The following MACROD2 variants were observed in gnomAD, a reference collection of about 807,000 sequenced individuals.
MACROD2 encodes the protein ADP-ribose glycohydrolase MACROD2.
Under a neutral mutation model 70.4 loss-of-function variants are expected in MACROD2, and 36 were observed. The observed-to-expected ratio is 0.51, with a 90% confidence interval of 0.39 to 0.68. MACROD2 has a LOEUF of 0.68. MACROD2 is among the 30% of genes least tolerant of loss of function. The probability of loss-of-function intolerance (pLI) is 0.00; values close to 1 mark genes in which losing one functional copy is unlikely to be tolerated. For missense variants in MACROD2, 496 were observed against 538.4 expected, an observed-to-expected ratio of 0.92 and a Z score of 0.78; for synonymous variants, 172 against 178.8, an observed-to-expected ratio of 0.96 and a Z score of 0.30.
intron 5 of MACROD2, among the ~76,000 whole-genome samples, chr20:14,958,608 G>T (rs2074557514): frequency 6.6e-6 from 1 of 152,128 alleles, no homozygotes; most frequent in South Asian, 2.1e-4. Context: ...GATTAGCCCG[G>T]TTCTACTCTT....
At chr20:14,711,833 T>A (rs2071342552) in intron 5 of MACROD2, among the ~76,000 whole-genome samples, 1 of 152,220 alleles carries the variant, frequency 6.6e-6, no homozygotes, top group South Asian at 2.1e-4. Context: ...TTACAGTTTA[T>A]CTCTGTAAGA....
intron 3 of MACROD2, among the ~76,000 whole-genome samples, chr20:14,230,843 A>G (rs1293034145): frequency 6.6e-6 from 1 of 151,274 alleles, no homozygotes; most frequent in Non-Finnish European, 1.5e-5. Flanking sequence ...TTCTTACAAG[A>G]AGGCTTGAAA....
At chr20:15,455,081 A>G (rs1482673625) in intron 7 of MACROD2, among the ~76,000 whole-genome samples, 1 of 152,128 alleles carries the variant, frequency 6.6e-6, no homozygotes, top group Admixed American at 6.6e-5. Context: ...AGGCATCCCA[A>G]CTTCAGGTTT....
At chr20:14,173,300 C>CTT (rs1189228278) in intron 3 of MACROD2, among the ~76,000 whole-genome samples, 2 of 151,986 alleles carry the variant, frequency 1.3e-5, no homozygotes, top group Admixed American at 1.3e-4. Context: ...CATTCAACTT[C>CTT]TTAAAGTCTT....
chr20:14,820,873 T>C (rs996598389), intron 5 of MACROD2, among the ~76,000 whole-genome samples: 2 of 152,090 alleles, frequency 1.3e-5, no homozygotes, highest in South Asian at 4.1e-4. Context: ...AGTGTTCACA[T>C]GATGCTTGGG....
At chr20:14,674,507 A>G (rs2070834864) in intron 4 of MACROD2, among the ~76,000 whole-genome samples, 1 of 152,170 alleles carries the variant, frequency 6.6e-6, no homozygotes, top group Non-Finnish European at 1.5e-5. Flanking sequence ...TGGAGGTCCT[A>G]TGAGGGATCC....
intron 10 of MACROD2, among the ~76,000 whole-genome samples, chr20:15,889,155 T>C (rs1457704458): frequency 2.0e-5 from 3 of 152,110 alleles, no homozygotes; most frequent in Non-Finnish European, 4.4e-5. Flanking sequence ...AGTTTGCAGA[T>C]TTCTATGGTA....
chr20:15,927,414 C>G (rs982681446), intron 10 of MACROD2, among the ~76,000 whole-genome samples: 3 of 152,134 alleles, frequency 2.0e-5, no homozygotes, highest in Non-Finnish European at 4.4e-5. Context: ...AAGAGAGACT[C>G]CAGGATTTGG....
chr20:14,075,984 ATAT>A (rs1251968212), intron 2 of MACROD2, among the ~76,000 whole-genome samples: 1 of 152,080 alleles, frequency 6.6e-6, no homozygotes, highest in African/African-American at 2.4e-5. Flanking sequence ...TTCTCTATAA[ATAT>A]TATTAAAAAA....
At chr20:15,677,459 T>A (rs2050075914) in intron 8 of MACROD2, among the ~76,000 whole-genome samples, 1 of 152,116 alleles carries the variant, frequency 6.6e-6, no homozygotes, top group African/African-American at 2.4e-5. Context: ...AGTCTCCCCA[T>A]GAAGGCAGGT....
chr20:14,348,275 A>AT (rs1323818556), intron 3 of MACROD2, among the ~76,000 whole-genome samples: 86 of 132,254 alleles, frequency 6.5e-4, no homozygotes, highest in Non-Finnish European at 1.1e-3. Flanking sequence ...TCTCAAAAAA[A>AT]AAAAAATAAA....
intron 5 of MACROD2, among the ~76,000 whole-genome samples, chr20:14,776,573 A>C (rs2123779004): frequency 6.6e-6 from 1 of 152,194 alleles, no homozygotes; most frequent in African/African-American, 2.4e-5. Flanking sequence ...TTGTCGCTCA[A>C]GTCTGTGATC....
At chr20:14,659,568 A>G (rs1431873090) in intron 4 of MACROD2, among the ~76,000 whole-genome samples, 1 of 152,126 alleles carries the variant, frequency 6.6e-6, no homozygotes, top group Admixed American at 6.5e-5. Flanking sequence ...CCTTAATTGT[A>G]TTTCAAAAAT....
intron 3 of MACROD2, among the ~76,000 whole-genome samples, chr20:14,471,859 G>GGACA (rs895569649): frequency 3.0e-4 from 46 of 151,600 alleles, no homozygotes; most frequent in African/African-American, 1.1e-3. Flanking sequence ...TATACAAATG[G>GGACA]GACAGCAAGG....
At chr20:15,083,784 G>A (rs1031093422) in intron 5 of MACROD2, among the ~76,000 whole-genome samples, 1 of 152,044 alleles carries the variant, frequency 6.6e-6, no homozygotes, top group Non-Finnish European at 1.5e-5. Flanking sequence ...TAGAGGAGAG[G>A]CATCACTGTC....
intron 5 of MACROD2, among the ~76,000 whole-genome samples, chr20:15,226,122 C>CA (rs5840662): frequency 0.28 from 42,702 of 150,724 alleles, 6,225 homozygotes; most frequent in Non-Finnish European, 0.32. Context: ...TTGAGAGCTG[C>CA]AAAAAAAAAT....
At chr20:15,601,461 C>CA (rs112077865) in intron 8 of MACROD2, among the ~76,000 whole-genome samples, 7,592 of 149,020 alleles carry the variant, frequency 0.051, 437 homozygotes, top group African/African-American at 0.14. Context: ...CACCTTCATG[C>CA]AAAAAAAAAG....
chr20:15,300,727 T>G (rs966413537), intron 6 of MACROD2, among the ~76,000 whole-genome samples: 1 of 152,168 alleles, frequency 6.6e-6, no homozygotes, highest in Non-Finnish European at 1.5e-5. Flanking sequence ...GTGAAGCAAC[T>G]GGGTTGGGTG....
At chr20:14,465,980 T>G (rs1489874345) in intron 3 of MACROD2, among the ~76,000 whole-genome samples, 2 of 152,112 alleles carry the variant, frequency 1.3e-5, no homozygotes, top group African/African-American at 4.8e-5. Flanking sequence ...TTTCCTTCAT[T>G]TCAACTTTGG....
Sources: gnomAD v4.1 joint callset for allele counts (sites outside exome capture counted in the v4.1 genomes callset) on GRCh38, gnomAD v4.1.1 for gene constraint, MANE v1.5 for transcripts, NCBI Gene and HGNC (gene_info 2026-07-23, HGNC 2026-07-21) for gene names.